MRAP2: variants seen among roughly 807,000 people sequenced by gnomAD.
The protein encoded by MRAP2 is melanocortin 2 receptor accessory protein 2.
In MRAP2, 20 loss-of-function variants were observed where a neutral mutation model predicts 17.4. The observed-to-expected ratio is 1.15, with a 90% CI of 0.81 to 1.67. The LOEUF (loss-of-function observed/expected upper bound fraction) is 1.67. Ranked by LOEUF, MRAP2 falls within the 40% of genes most tolerant of loss-of-function variation. The probability of loss-of-function intolerance (pLI) is 0.00; values close to 1 mark genes in which losing one functional copy is unlikely to be tolerated. For missense variants in MRAP2, 238 were observed against 240.0 expected (o/e 0.99, Z 0.05); for synonymous variants, 96 against 88.4 (o/e 1.09, Z -0.48).
intron 3 of MRAP2, among the ~76,000 whole-genome samples, chr6:84,087,538 G>T (rs1270525447): frequency 6.6e-6 from 1 of 152,176 alleles, no homozygotes; most frequent in South Asian, 2.1e-4. Flanking sequence ...GTCACAGGTT[G>T]CTGGCACACT....
At chr6:84,079,427 G>T (rs2099498417) in intron 3 of MRAP2, among the ~76,000 whole-genome samples, 1 of 152,186 alleles carries the variant, frequency 6.6e-6, no homozygotes. Context: ...TTTCTGGAAT[G>T]AAGGAAATAA....
chr6:84,095,552 C>T (rs1249349159), downstream of MRAP2, among the ~76,000 whole-genome samples: 1 of 152,178 alleles, frequency 6.6e-6, no homozygotes, highest in South Asian at 2.1e-4. Flanking sequence ...TATACAACCA[C>T]CTCAGGTTAA....
chr6:84,035,183 A>G (rs1374871281), intron 1 of MRAP2, among the ~76,000 whole-genome samples: 1 of 152,220 alleles, frequency 6.6e-6, no homozygotes, highest in Non-Finnish European at 1.5e-5. Context: ...TCGAAGCCCG[A>G]AACTGGACTG....
chr6:84,100,489 ACTCCTGGG>A, the MRAP2 span, among the ~76,000 whole-genome samples: 1 of 151,438 alleles, frequency 6.6e-6, no homozygotes, highest in Non-Finnish European at 1.5e-5. Flanking sequence ...CTGGTCTTGA[ACTCCTGGG>A]CTCAAGCAAT....
the MRAP2 span, among the ~76,000 whole-genome samples, chr6:84,112,492 CTCT>C: frequency 1.3e-4 from 20 of 152,076 alleles, no homozygotes; most frequent in African/African-American, 3.6e-4. Context: ...ATTCTTCTCT[CTCT>C]TCTTCTTTAT....
At chr6:84,137,599 GA>G in the MRAP2 span, among the ~76,000 whole-genome samples, 1 of 151,794 alleles carries the variant, frequency 6.6e-6, no homozygotes, top group Non-Finnish European at 1.5e-5. Context: ...CCTAATAATA[GA>G]AAAAATATGA....
chr6:84,094,030 A>G (rs1256256474), downstream of MRAP2, among the ~76,000 whole-genome samples: 1 of 152,198 alleles, frequency 6.6e-6, no homozygotes, highest in Non-Finnish European at 1.5e-5. Context: ...TTCTGCTGGT[A>G]TAACATTTTC....
intron 3 of MRAP2, among the ~76,000 whole-genome samples, chr6:84,067,958 C>A (rs1300694236): frequency 6.6e-6 from 1 of 152,070 alleles, no homozygotes; most frequent in African/African-American, 2.4e-5. Flanking sequence ...TCATGAAATC[C>A]TTGCCTAAGC....
intron 3 of MRAP2, among the ~76,000 whole-genome samples, chr6:84,074,549 C>T (rs1437467022): frequency 1.3e-5 from 2 of 152,184 alleles, no homozygotes; most frequent in Non-Finnish European, 2.9e-5. Flanking sequence ...CTCATAATTG[C>T]TGACACATGG....
intron 1 of MRAP2, chr6:84,035,281 C>T: frequency 3.9e-6 from 1 of 254,482 alleles, no homozygotes. Context: ...TGAGAATGGA[C>T]CCAGGAGACT....
At chr6:84,043,052 G>T (rs545005064) in intron 1 of MRAP2, among the ~76,000 whole-genome samples, 1 of 152,322 alleles carries the variant, frequency 6.6e-6, no homozygotes, top group East Asian at 1.9e-4. Context: ...AAGTAGTCTT[G>T]TTTGGCAAGT....
chr6:84,094,458 A>G (rs2099502321), downstream of MRAP2, among the ~76,000 whole-genome samples: 2 of 152,016 alleles, frequency 1.3e-5, no homozygotes, highest in Admixed American at 6.5e-5. Context: ...CATCTTTAAC[A>G]TTTTGCTTGG....
chr6:84,131,575 G>T, the MRAP2 span, among the ~76,000 whole-genome samples: 15 of 152,160 alleles, frequency 9.9e-5, no homozygotes, highest in Non-Finnish European at 1.9e-4. Context: ...TCTTCTTGTT[G>T]AATTGATCCC....
At chr6:84,139,678 A>G in the MRAP2 span, among the ~76,000 whole-genome samples, 1 of 152,216 alleles carries the variant, frequency 6.6e-6, no homozygotes, top group Admixed American at 6.5e-5. Flanking sequence ...GCAGTCAGTC[A>G]AGAAAGGAAG....
downstream of MRAP2, among the ~76,000 whole-genome samples, chr6:84,094,608 A>G (rs76071715): frequency 5.2e-3 from 791 of 152,146 alleles, 7 homozygotes; most frequent in African/African-American, 0.018. Flanking sequence ...CATGTTCCTC[A>G]TTTCCATTTT....
At chr6:84,092,352 C>T (rs149008889), downstream of MRAP2, among the ~76,000 whole-genome samples, 34 of 152,084 alleles carry the variant, frequency 2.2e-4, no homozygotes, top group African/African-American at 8.0e-4. Context: ...GGTTTATATC[C>T]ATTCTATATG....
chr6:84,059,289 G>A (rs1361123293), intron 2 of MRAP2, among the ~76,000 whole-genome samples: 2 of 152,170 alleles, frequency 1.3e-5, no homozygotes, highest in East Asian at 1.9e-4. Flanking sequence ...TCATTAGGAT[G>A]AGAAACAGCT....
chr6:84,139,767 A>T, the MRAP2 span, among the ~76,000 whole-genome samples: 6 of 152,108 alleles, frequency 3.9e-5, no homozygotes, highest in East Asian at 1.2e-3. Context: ...TGAATTTGTG[A>T]CTCTTGTGGG....
chr6:84,084,219 T>C (rs2099499715), intron 3 of MRAP2, among the ~76,000 whole-genome samples: 1 of 152,166 alleles, frequency 6.6e-6, no homozygotes, highest in Non-Finnish European at 1.5e-5. Context: ...AACAAATCTA[T>C]CTTTTGTTTG....
Sources: allele counts gnomAD v4.1 joint callset (sites outside exome capture counted in the v4.1 genomes callset), GRCh38; gene constraint gnomAD v4.1.1; transcripts MANE v1.5; gene names NCBI Gene and HGNC (gene_info 2026-07-23, HGNC 2026-07-21).